The following CSTPP1 variants were observed in gnomAD, a reference collection of about 807,000 sequenced individuals.
CSTPP1 encodes the protein UPF0705 protein C11orf49.
the CSTPP1 span, among the ~76,000 whole-genome samples, chr11:47,018,889 T>C: frequency 1.3e-5 from 2 of 152,366 alleles, no homozygotes; most frequent in East Asian, 1.9e-4. Context: ...TTTCCTACTA[T>C]TGAGTTTTGA....
chr11:47,135,591 T>G, the CSTPP1 span, among the ~76,000 whole-genome samples: 1 of 152,198 alleles, frequency 6.6e-6, no homozygotes, highest in Admixed American at 6.5e-5. Context: ...TCAGTAGAAT[T>G]AGAACTCCTC....
At chr11:47,011,017 C>T in the CSTPP1 span, among the ~76,000 whole-genome samples, 1 of 152,016 alleles carries the variant, frequency 6.6e-6, no homozygotes, top group Admixed American at 6.6e-5. Context: ...GATGAAATTC[C>T]CCCCAAACAC....
chr11:47,129,141 G>A, the CSTPP1 span, among the ~76,000 whole-genome samples: 4 of 152,158 alleles, frequency 2.6e-5, no homozygotes, highest in Non-Finnish European at 4.4e-5. Context: ...GCTTCTTGGA[G>A]GAGAATTATA....
the CSTPP1 span, among the ~76,000 whole-genome samples, chr11:47,123,757 T>C: frequency 2.0e-5 from 3 of 152,118 alleles, no homozygotes; most frequent in African/African-American, 7.2e-5. Flanking sequence ...TCCCAACACT[T>C]TGAGAGGCCG....
At chr11:47,082,149 CAAAAAA>C in the CSTPP1 span, among the ~76,000 whole-genome samples, 2 of 83,302 alleles carry the variant, frequency 2.4e-5, no homozygotes, top group East Asian at 5.4e-4. Context: ...GACCCTGTCT[CAAAAAA>C]AAAAAAAAAA....
At chr11:47,114,251 C>G in the CSTPP1 span, among the ~76,000 whole-genome samples, 2 of 152,118 alleles carry the variant, frequency 1.3e-5, no homozygotes, top group African/African-American at 2.4e-5. Flanking sequence ...GTTATTGTAG[C>G]CTTGTAGTAT....
At chr11:47,164,331 G>C in the CSTPP1 span, 2 of 1,428,366 alleles carry the variant, frequency 1.4e-6, no homozygotes, top group Non-Finnish European at 1.9e-6. Context: ...GCCAGGCCCT[G>C]CAGGGGCTTT....
At chr11:47,098,582 T>G in the CSTPP1 span, among the ~76,000 whole-genome samples, 14 of 151,428 alleles carry the variant, frequency 9.2e-5, no homozygotes, top group East Asian at 2.7e-3. Context: ...CTCGGCACAC[T>G]GCAGCCTCTG....
chr11:47,004,076 C>A, the CSTPP1 span, among the ~76,000 whole-genome samples: 1 of 151,910 alleles, frequency 6.6e-6, no homozygotes, highest in Non-Finnish European at 1.5e-5. Flanking sequence ...CCTTTTCTCT[C>A]TCTTTAAATG....
At chr11:46,992,520 A>G in the CSTPP1 span, among the ~76,000 whole-genome samples, 1 of 151,904 alleles carries the variant, frequency 6.6e-6, no homozygotes, top group Non-Finnish European at 1.5e-5. Flanking sequence ...CAGTTTGCTC[A>G]GAGTGATGGT....
the CSTPP1 span, among the ~76,000 whole-genome samples, chr11:47,036,230 A>T: frequency 1.8e-4 from 8 of 43,864 alleles, no homozygotes; most frequent in South Asian, 1.7e-3. Flanking sequence ...TAATATATAT[A>T]ATATATTATA....
the CSTPP1 span, chr11:47,161,319 C>T: frequency 6.3e-7 from 1 of 1,590,380 alleles, no homozygotes; most frequent in African/African-American, 1.3e-5. Flanking sequence ...GTCTGGGGGC[C>T]AGTGGAGGCC....
At chr11:47,118,609 A>G in the CSTPP1 span, among the ~76,000 whole-genome samples, 3 of 152,028 alleles carry the variant, frequency 2.0e-5, no homozygotes, top group Non-Finnish European at 1.5e-5. Flanking sequence ...TTGGTCTTTG[A>G]TGTTCATGAC....
At chr11:47,157,322 A>AG in the CSTPP1 span, 3 of 1,283,144 alleles carry the variant, frequency 2.3e-6, no homozygotes, top group Non-Finnish European at 2.1e-6. Context: ...CAGGCATTCT[A>AG]GGGCCCTTGC....
the CSTPP1 span, among the ~76,000 whole-genome samples, chr11:46,947,345 A>C: frequency 6.6e-6 from 1 of 152,200 alleles, no homozygotes; most frequent in Non-Finnish European, 1.5e-5. Context: ...GAAATAGCTC[A>C]TTCTATGATT....
At chr11:47,017,731 G>A in the CSTPP1 span, among the ~76,000 whole-genome samples, 1 of 148,818 alleles carries the variant, frequency 6.7e-6, no homozygotes, top group Non-Finnish European at 1.5e-5. Flanking sequence ...GCAGTGGCAC[G>A]ATCTTGGCTC....
the CSTPP1 span, among the ~76,000 whole-genome samples, chr11:47,079,820 G>A: frequency 6.6e-6 from 1 of 152,090 alleles, no homozygotes; most frequent in Non-Finnish European, 1.5e-5. Context: ...ACGGCCGGGC[G>A]CGGTGGCTCA....
chr11:47,155,223 A>G, the CSTPP1 span: 2 of 1,612,504 alleles, frequency 1.2e-6, no homozygotes, highest in East Asian at 4.5e-5. Context: ...TCTTTTTCAG[A>G]TTTCCTCTTT....
chr11:47,060,331 G>A, the CSTPP1 span, among the ~76,000 whole-genome samples: 4 of 143,798 alleles, frequency 2.8e-5, no homozygotes, highest in South Asian at 2.2e-4. Context: ...TCTGCCTCCC[G>A]GGCCCAAGCA....
Sources: allele counts gnomAD v4.1 joint callset (sites outside exome capture counted in the v4.1 genomes callset), GRCh38; gene constraint gnomAD v4.1.1; transcripts MANE v1.5; gene names NCBI Gene and HGNC (gene_info 2026-07-23, HGNC 2026-07-21).